SHROOM3: variants seen among roughly 807,000 people sequenced by gnomAD.
SHROOM3 encodes the protein shroom family member 3.
SHROOM3 carries 47 observed loss-of-function variants against 138.6 expected under a neutral mutation model. The observed-to-expected ratio is 0.34, with a 90% CI of 0.27 to 0.43. The LOEUF is 0.43. Ranked by LOEUF, SHROOM3 falls within the 20% of genes least tolerant of loss-of-function variation. SHROOM3 has a pLI of 1.00. For synonymous variants in SHROOM3, 1,062 were observed against 1,063.3 expected (o/e 1.00, Z 0.02); for missense variants, 2,491 against 2,596.5 (o/e 0.96, Z 0.88).
rs146756224 is a variant in SHROOM3 at position 76,463,607 on chromosome 4, C to A, written c.168+27387C>A. ...AAATGTCTCCAAGACATTTGAGAGA[C>A]CTTTGTATCAGCCCTTCTTATCACA... is the stretch of plus-strand genomic sequence containing the variant. On this transcript the variant is annotated intron_variant, in intron 1 of 10. Transcript: ENST00000296043. Among the ~76,000 whole-genome samples the A allele has an allele frequency of 3.2e-3, 487 of 152,282 alleles. 4 individuals are homozygous for A. Among genetic ancestry groups the A allele is most frequent in the African/African-American group, 0.011 (458 of 41,550 alleles).
intron 2 of SHROOM3, among the ~76,000 whole-genome samples, chr4:76,670,398 G>C (rs547487232): frequency 2.0e-5 from 3 of 152,098 alleles, no homozygotes; most frequent in Admixed American, 6.5e-5. Flanking sequence ...AAAATCTATA[G>C]AGACAAAAAG....
At chr4:76,654,127 C>T (rs1256170019) in intron 2 of SHROOM3, among the ~76,000 whole-genome samples, 2 of 152,106 alleles carry the variant, frequency 1.3e-5, no homozygotes, top group South Asian at 2.1e-4. Context: ...AGTTGTCTGG[C>T]CTGAACTGAG....
At chr4:76,446,055 G>T (rs1730797923) in intron 1 of SHROOM3, among the ~76,000 whole-genome samples, 1 of 151,972 alleles carries the variant, frequency 6.6e-6, no homozygotes, top group South Asian at 2.1e-4. Context: ...AGACTTCCTG[G>T]GTTGCTTTTA....
At chr4:76,525,625 T>C (rs936502454) in intron 1 of SHROOM3, among the ~76,000 whole-genome samples, 2 of 152,224 alleles carry the variant, frequency 1.3e-5, no homozygotes, top group Admixed American at 6.5e-5. Flanking sequence ...TGCAGTTGGA[T>C]GTCTCCTCAT....
At chr4:76,562,111 A>G (rs114897519) in intron 2 of SHROOM3, among the ~76,000 whole-genome samples, 152 of 152,298 alleles carry the variant, frequency 1.0e-3, no homozygotes, top group African/African-American at 3.5e-3. Context: ...GTGATTCCCC[A>G]TTGACCTTGA....
chr4:76,513,453 A>G (rs554309139), intron 1 of SHROOM3, among the ~76,000 whole-genome samples: 4 of 152,184 alleles, frequency 2.6e-5, no homozygotes, highest in African/African-American at 9.6e-5. Flanking sequence ...AGCTGGGACT[A>G]CAGGCACCTG....
intron 2 of SHROOM3, among the ~76,000 whole-genome samples, chr4:76,619,941 A>T (rs893145844): frequency 6.6e-6 from 1 of 152,044 alleles, no homozygotes; most frequent in Non-Finnish European, 1.5e-5. Context: ...ACATGCCTGT[A>T]ATCCGACCTA....
Position 76,739,426 on chromosome 4 carries a change from A to C in SHROOM3, c.1253A>C (p.Asn418Thr). 1.2e-6 allele frequency: 2 copies of C among 1,614,040 alleles called. No homozygotes were observed. The highest frequency in any genetic ancestry group is 1.7e-6 in the Non-Finnish European group (2 of 1,180,020). Residue 418 changes from asparagine to threonine, a missense_variant, in exon 5 of 11, where the codon AAC becomes ACC. Physicochemically the swap from Asn to Thr is moderately conservative, Grantham distance 65. Coordinates refer to ENST00000296043, the MANE Select transcript of SHROOM3 (RefSeq NM_020859.4). ...DQKRLCRPQA[N>T]SLGSLKSPFI... ...AAACGGCTCTGCCGGCCTCAGGCAAACTCTTTAGGCTCCCTGAAGTCTCCA... is the reference window on the plus strand; with the variant it reads ...AAACGGCTCTGCCGGCCTCAGGCAACCTCTTTAGGCTCCCTGAAGTCTCCA...
intron 2 of SHROOM3, among the ~76,000 whole-genome samples, chr4:76,619,619 C>T (rs1051144562): frequency 6.6e-6 from 1 of 152,092 alleles, no homozygotes; most frequent in Non-Finnish European, 1.5e-5. Context: ...GGGATACAGA[C>T]TTACTATCTA....
chr4:76,676,860 G>A (rs1399049151), intron 2 of SHROOM3, among the ~76,000 whole-genome samples: 2 of 150,348 alleles, frequency 1.3e-5, no homozygotes, highest in African/African-American at 2.5e-5. Flanking sequence ...GGAGAATGGC[G>A]TGAACCCGGG....
At chr4:76,759,969 T>C (rs1721940995) in intron 9 of SHROOM3, among the ~76,000 whole-genome samples, 1 of 152,230 alleles carries the variant, frequency 6.6e-6, no homozygotes, top group African/African-American at 2.4e-5. Context: ...AGAAGTCTCA[T>C]AGCCAGGACT....
chr4:76,713,089 A>C (rs1284231158), intron 3 of SHROOM3, among the ~76,000 whole-genome samples: 1 of 152,242 alleles, frequency 6.6e-6, no homozygotes, highest in Non-Finnish European at 1.5e-5. Flanking sequence ...TCAGCGAGTG[A>C]GTGGTGAGTG....
chr4:76,503,381 A>G (rs1452614569), intron 1 of SHROOM3, among the ~76,000 whole-genome samples: 3 of 152,094 alleles, frequency 2.0e-5, no homozygotes, highest in Non-Finnish European at 4.4e-5. Context: ...TCGATTTGCT[A>G]TAGTAAATAG....
chr4:76,720,780 T>G (rs927608641), intron 3 of SHROOM3, among the ~76,000 whole-genome samples: 10 of 151,398 alleles, frequency 6.6e-5, no homozygotes, highest in East Asian at 2.0e-4. Flanking sequence ...CCCCGCTAAT[T>G]TTTGTATTTT....
intron 9 of SHROOM3, among the ~76,000 whole-genome samples, chr4:76,763,681 T>C (rs1185500940): frequency 6.6e-6 from 1 of 152,198 alleles, no homozygotes; most frequent in African/African-American, 2.4e-5. Flanking sequence ...TGTAGGGCTT[T>C]GTGTGAAATG....
chr4:76,561,894 C>A (rs754492019), intron 2 of SHROOM3, among the ~76,000 whole-genome samples: 2 of 151,826 alleles, frequency 1.3e-5, no homozygotes, highest in African/African-American at 2.4e-5. Flanking sequence ...CCCTGTAATC[C>A]CAGCTACTCG....
At chr4:76,466,613 G>A (rs1027083605) in intron 1 of SHROOM3, among the ~76,000 whole-genome samples, 1 of 152,102 alleles carries the variant, frequency 6.6e-6, no homozygotes, top group African/African-American at 2.4e-5. Flanking sequence ...GGATTCTTTA[G>A]CCTTTTGTTC....
intron 3 of SHROOM3, among the ~76,000 whole-genome samples, chr4:76,723,601 C>T (rs1720613809): frequency 6.6e-6 from 1 of 152,142 alleles, no homozygotes; most frequent in Admixed American, 6.5e-5. Flanking sequence ...CTCCCTGTCT[C>T]CCTCCTCTGC....
chr4:76,593,966 G>T (rs1734329783), intron 2 of SHROOM3, among the ~76,000 whole-genome samples: 1 of 152,232 alleles, frequency 6.6e-6, no homozygotes, highest in Non-Finnish European at 1.5e-5. Context: ...AGTGGGCAGA[G>T]TGGACTGGAG....
Sources: allele counts gnomAD v4.1 joint callset (sites outside exome capture counted in the v4.1 genomes callset), GRCh38; gene constraint gnomAD v4.1.1; transcripts MANE v1.5; gene names NCBI Gene and HGNC (gene_info 2026-07-23, HGNC 2026-07-21).